Variants in C13orf42 observed in about 807,000 individuals in gnomAD.
C13orf42 encodes the protein uncharacterized protein C13orf42.
intron 1 of C13orf42, among the ~76,000 whole-genome samples, chr13:51,108,267 T>G (rs1423887856): frequency 6.6e-6 from 1 of 152,210 alleles, no homozygotes; most frequent in Admixed American, 6.5e-5. Context: ...TACTGGGGGT[T>G]AGGACTTCCA....
intron 1 of C13orf42, among the ~76,000 whole-genome samples, chr13:51,160,753 T>A (rs1953858091): frequency 6.6e-6 from 1 of 151,982 alleles, no homozygotes; most frequent in Non-Finnish European, 1.5e-5. Flanking sequence ...AAACTAGAAA[T>A]ATAAAGGAAA....
chr13:51,087,263 C>T (rs1363774765), intron 2 of C13orf42, among the ~76,000 whole-genome samples: 2 of 152,224 alleles, frequency 1.3e-5, no homozygotes, highest in Admixed American at 1.3e-4. Context: ...GGCCTCACCC[C>T]ACTCCAGCTC....
At chr13:51,163,258 A>T (rs1320111479) in intron 1 of C13orf42, among the ~76,000 whole-genome samples, 1 of 152,070 alleles carries the variant, frequency 6.6e-6, no homozygotes, top group Non-Finnish European at 1.5e-5. Context: ...AGCCTCCATC[A>T]TTCACGTATG....
At chr13:51,125,408 G>A (rs1953568430) in intron 1 of C13orf42, among the ~76,000 whole-genome samples, 1 of 152,124 alleles carries the variant, frequency 6.6e-6, no homozygotes, top group Non-Finnish European at 1.5e-5. Flanking sequence ...GAGGATTTTA[G>A]GGCATAGATT....
intron 2 of C13orf42, among the ~76,000 whole-genome samples, chr13:51,087,047 CTTAGTA>C (rs1409535567): frequency 6.6e-6 from 1 of 152,210 alleles, no homozygotes; most frequent in Non-Finnish European, 1.5e-5. Flanking sequence ...AAGCTCTAAC[CTTAGTA>C]TAAGGGGCCA....
At chr13:51,138,415 C>A (rs1055092222) in intron 1 of C13orf42, among the ~76,000 whole-genome samples, 1 of 151,924 alleles carries the variant, frequency 6.6e-6, no homozygotes, top group Non-Finnish European at 1.5e-5. Context: ...GGGCAAAGAA[C>A]CTGGATAGAC....
chr13:51,088,850 G>A (rs1457574266), intron 1 of C13orf42, among the ~76,000 whole-genome samples: 1 of 152,172 alleles, frequency 6.6e-6, no homozygotes. Context: ...TAGCTTACGA[G>A]GTTCCGGGCT....
chr13:51,110,721 G>C, intron 1 of C13orf42, 75 bp downstream of exon 1: 1 of 397,822 alleles, frequency 2.5e-6, no homozygotes, highest in Non-Finnish European at 4.4e-6. Flanking sequence ...GCAGAGGTAG[G>C]AAGAAGCTTT....
chr13:51,135,460 G>C (rs924460961), intron 1 of C13orf42, among the ~76,000 whole-genome samples: 7 of 151,972 alleles, frequency 4.6e-5, no homozygotes, highest in Non-Finnish European at 7.4e-5. Flanking sequence ...AGACCAGCCT[G>C]GGCAACACAG....
intron 3 of C13orf42, 66 bp downstream of exon 3, chr13:51,085,253 G>A: frequency 2.5e-6 from 1 of 392,716 alleles, no homozygotes; most frequent in East Asian, 3.6e-5. Context: ...GGCACCTTAA[G>A]GATCACCCCA....
chr13:51,128,446 G>A (rs928650009), intron 1 of C13orf42, among the ~76,000 whole-genome samples: 6 of 152,188 alleles, frequency 3.9e-5, no homozygotes, highest in Non-Finnish European at 8.8e-5. Context: ...CTTTGGGTAA[G>A]TGGGGTGCAT....
At chr13:51,114,625 T>C (rs1953467579), upstream of C13orf42, among the ~76,000 whole-genome samples, 2 of 95,818 alleles carry the variant, frequency 2.1e-5, no homozygotes, top group African/African-American at 7.4e-5. Context: ...GATAGATAGA[T>C]AGATAGATAG....
chr13:51,150,940 CA>C (rs1222963143), intron 1 of C13orf42, among the ~76,000 whole-genome samples: 1 of 152,056 alleles, frequency 6.6e-6, no homozygotes, highest in South Asian at 2.1e-4. Flanking sequence ...GAAATGCTAC[CA>C]AAAAAATTGG....
Position 51,128,383 on chromosome 13 carries a change from C to T in C13orf42, n.137-15161G>A, listed in dbSNP as rs1953591382. Among the ~76,000 whole-genome samples the T allele has an allele frequency of 2.0e-5, 3 of 152,170 alleles. No individual in the cohort carries two copies. In the South Asian group the frequency reaches 6.2e-4, roughly 32 times the overall value. On this transcript the variant is annotated intron_variant and non_coding_transcript_variant, in intron 1 of 4. Coordinates refer to the C13orf42 transcript ENST00000433280. ...TTCTGTTGAACCATGCAAGGGATGACACTGAGGAGAACCCCAACCTCAAGG... is the reference window on the plus strand; with the variant it reads ...TTCTGTTGAACCATGCAAGGGATGATACTGAGGAGAACCCCAACCTCAAGG...
intron 1 of C13orf42, among the ~76,000 whole-genome samples, chr13:51,165,254 C>T (rs1476655748): frequency 6.6e-6 from 1 of 152,214 alleles, no homozygotes; most frequent in Non-Finnish European, 1.5e-5. Flanking sequence ...CACCAGCCAG[C>T]TCACAATTTC....
intron 1 of C13orf42, among the ~76,000 whole-genome samples, chr13:51,153,619 CTGTTTTTTTTCT>C (rs1953799255): frequency 1.1e-5 from 1 of 94,846 alleles, no homozygotes; most frequent in African/African-American, 3.6e-5. Context: ...TTCTTGCTTT[CTGTTTTTTTTCT>C]TTTTTTTTTT....
chr13:51,124,156 C>T (rs879398692), intron 1 of C13orf42, among the ~76,000 whole-genome samples: 10 of 152,174 alleles, frequency 6.6e-5, no homozygotes, highest in Admixed American at 2.0e-4. Flanking sequence ...TGTGGCCCCA[C>T]CCAGGAACTG....
chr13:51,154,872 G>A (rs1593555117), intron 1 of C13orf42, among the ~76,000 whole-genome samples: 1 of 152,256 alleles, frequency 6.6e-6, no homozygotes, highest in East Asian at 1.9e-4. Context: ...GGAAATGTTG[G>A]GCCCTGAGCC....
At chr13:51,086,420 G>A (rs570660698) in intron 2 of C13orf42, among the ~76,000 whole-genome samples, 1 of 151,992 alleles carries the variant, frequency 6.6e-6, no homozygotes, top group East Asian at 1.9e-4. Context: ...GGACATCCTA[G>A]TTTTATGGCA....
Sources: gnomAD v4.1 joint callset for allele counts (sites outside exome capture counted in the v4.1 genomes callset) on GRCh38, gnomAD v4.1.1 for gene constraint, MANE v1.5 for transcripts, NCBI Gene and HGNC (gene_info 2026-07-23, HGNC 2026-07-21) for gene names.